Variants in CFAP99 observed in about 807,000 individuals in gnomAD.
The protein encoded by CFAP99 is cilia- and flagella-associated protein 99.
A neutral mutation model predicts 82.7 loss-of-function variants in CFAP99; 84 were observed. That is an observed-to-expected ratio of 1.02 (90% CI 0.85 to 1.22). The LOEUF is 1.22. Among genes scored for constraint, CFAP99 ranks in the 50% most tolerant of loss-of-function variants. CFAP99 has a pLI of 0.00. For missense variants in CFAP99, 1,059 were observed against 983.5 expected (o/e 1.08, Z -1.03); for synonymous variants, 456 against 429.5 (o/e 1.06, Z -0.76).
At chr4:2,457,875 G>A (rs77545410) in intron 11 of CFAP99, among the ~76,000 whole-genome samples, 3,445 of 152,312 alleles carry the variant, frequency 0.023, 103 homozygotes, top group African/African-American at 0.074. Flanking sequence ...GGAGGTGGGC[G>A]TGGCCATCTT....
chr4:2,443,029 G>A (rs1734084087), intron 4 of CFAP99, 101 bp from the exon 5 acceptor site: 1 of 573,934 alleles, frequency 1.7e-6, no homozygotes, highest in Non-Finnish European at 3.1e-6. Context: ...GGGGTGCTGG[G>A]GGCCTTGGGG....
rs1471964098 is a variant in CFAP99 at position 2,462,550 on chromosome 4, G to A, written c.1769G>A (p.Arg590Lys). 4 of 1,465,068 alleles carry A rather than the reference G, an allele frequency of 2.7e-6. No homozygotes were observed. The Admixed American group carries it at 7.4e-5, about 27-fold the overall frequency. The allele number at this position is 1,465,068 out of a possible 1,614,324, so 90.8% of individuals were successfully genotyped here. The change falls in exon 15 of 15, where the codon AGG becomes AAG. Residue 590 changes from arginine to lysine, a missense_variant. Transcript: ENST00000635017. The surrounding 1 kb of genome is among the most constrained non-coding windows in gnomAD (Gnocchi z 4.1). ...TCGGAGAGGGCGGCCGAGCGCAGCAGGCAGGCGGCCTTGCTGCACGTGTCG... is the reference window on the plus strand; with the variant it reads ...TCGGAGAGGGCGGCCGAGCGCAGCAAGCAGGCGGCCTTGCTGCACGTGTCG...
Position 2,462,777 on chromosome 4 carries a change from C to T in CFAP99, c.1996C>T (p.Pro666Ser). 6 of 1,269,604 alleles carry T rather than the reference C, an allele frequency of 4.7e-6. No homozygotes were observed. The highest frequency in any genetic ancestry group is 2.5e-5 in the South Asian group (1 of 39,778). The allele number at this position is 1,269,604 out of a possible 1,614,324, so 78.6% of individuals were successfully genotyped here. Residue 666 changes from proline (P) to serine (S), a missense_variant, in exon 15 of 15, where the codon CCT (proline) becomes TCT (serine). Physicochemically the swap from Pro to Ser is moderately conservative, Grantham distance 74. Transcript: ENST00000635017. This position sits in a 1 kb window ranked among gnomAD's most constrained non-coding sequence, Gnocchi z 4.1. ...GGGCGCGGGAGGCGGTGGGGGCGTC[C>T]CTGCCCGCGCCGACGCGTTCCCCGG...
intron 13 of CFAP99, 32 bp downstream of exon 13, chr4:2,459,290 T>C (rs1734520244): frequency 1.3e-6 from 2 of 1,492,514 alleles, no homozygotes; most frequent in Non-Finnish European, 8.9e-7. Flanking sequence ...GGCCCATGCC[T>C]CAGGGGCCTC....
intron 4 of CFAP99, among the ~76,000 whole-genome samples, chr4:2,438,804 C>A (rs1049586675): frequency 1.8e-4 from 27 of 152,124 alleles, no homozygotes; most frequent in Non-Finnish European, 3.5e-4. Context: ...CAACAAAAAA[C>A]CCAATGCACA....
At chr4:2,421,350 C>CCTT (rs548093654) in intron 1 of CFAP99, among the ~76,000 whole-genome samples, 1 of 96,984 alleles carries the variant, frequency 1.0e-5, no homozygotes, top group African/African-American at 4.0e-5. Flanking sequence ...TCTGCCCACC[C>CCTT]TTTTTTTTTT....
intron 4 of CFAP99, among the ~76,000 whole-genome samples, chr4:2,440,118 A>G (rs1315416001): frequency 6.8e-6 from 1 of 146,730 alleles, no homozygotes; most frequent in Non-Finnish European, 1.5e-5. Context: ...TTGGGATTAC[A>G]GGCGTGAGCC....
At chr4:2,424,139 C>A (rs974028798) in intron 1 of CFAP99, among the ~76,000 whole-genome samples, 4 of 152,250 alleles carry the variant, frequency 2.6e-5, no homozygotes, top group Non-Finnish European at 4.4e-5. Flanking sequence ...AAAAGGACAG[C>A]CTGGCGTGGT....
chr4:2,442,453 AGGGTGGCCACCCT>A (rs747767897), intron 4 of CFAP99, among the ~76,000 whole-genome samples: 2 of 151,868 alleles, frequency 1.3e-5, no homozygotes, highest in Non-Finnish European at 2.9e-5. Flanking sequence ...GCTGCTGGGG[AGGGTGGCCACCCT>A]GGGGAGGCAC....
At chr4:2,426,207 C>A (rs898934994) in intron 1 of CFAP99, among the ~76,000 whole-genome samples, 1 of 152,144 alleles carries the variant, frequency 6.6e-6, no homozygotes, top group Non-Finnish European at 1.5e-5. Flanking sequence ...CCAGGCCAGC[C>A]TGGGCCCCTG....
chr4:2,462,968 A>C, downstream of CFAP99: 3 of 1,106,572 alleles, frequency 2.7e-6, no homozygotes, highest in Non-Finnish European at 3.4e-6. This position sits in a 1 kb window ranked among gnomAD's most constrained non-coding sequence, Gnocchi z 4.1. Flanking sequence ...GCCACCCCCT[A>C]CACCCGCCGC....
At position 2,462,671 on chromosome 4, in the gene CFAP99, G is replaced by A. The variant is rs1386885303; in HGVS notation, c.1890G>A (p.Ala630=). Residue 630 remains alanine (A), a synonymous_variant, in exon 15 of 15, where the codon GCG becomes GCA. Coordinates refer to ENST00000635017, the Ensembl canonical transcript of CFAP99. This position sits in a 1 kb window ranked among gnomAD's most constrained non-coding sequence, Gnocchi z 4.1. ...CCGGGGCCGGGTGGGGATGGCGGGC[G>A]CGGCGCGCAGGGACCGGCGTCCCGG... The A allele has an allele frequency of 7.9e-7, 1 of 1,264,714 alleles. No individual in the cohort carries two copies. Among genetic ancestry groups the A allele is most frequent in the Non-Finnish European group, 9.9e-7 (1 of 1,006,732 alleles). 78.3% of individuals were successfully genotyped at this position (1,264,714 alleles called of 1,614,324 possible).
In CFAP99 at chr4:2,443,262, C is replaced by T; in HGVS notation, c.464+20C>T. The T allele has an allele frequency of 6.8e-7, 1 of 1,473,968 alleles. No individual in the cohort carries two copies. 91.3% of individuals were successfully genotyped at this position (1,473,968 alleles called of 1,614,324 possible). A position where few individuals can be genotyped will look rare whatever the true frequency, so the allele number is the denominator to read the frequency against. Reference sequence around the variant, plus strand: ...GATGAGGTAGGCTGGATGGGGGGCTCTGGGGGCCCTGAATGGCATCTGCAC... The same window carrying T: ...GATGAGGTAGGCTGGATGGGGGGCTTTGGGGGCCCTGAATGGCATCTGCAC... On this transcript the variant is annotated intron_variant, in intron 5 of 14. Coordinates refer to ENST00000635017, the Ensembl canonical transcript of CFAP99.
intron 4 of CFAP99, among the ~76,000 whole-genome samples, chr4:2,438,713 T>C (rs915560306): frequency 6.6e-6 from 1 of 152,088 alleles, no homozygotes; most frequent in Non-Finnish European, 1.5e-5. Context: ...GAGGCTGCAG[T>C]GAGCAGTGAT....
At chr4:2,454,581 C>CTTTTTTTTTTTGTTTTTTTTTTTTTT (rs1734378524) in intron 11 of CFAP99, among the ~76,000 whole-genome samples, 1 of 94,722 alleles carries the variant, frequency 1.1e-5, no homozygotes, top group African/African-American at 4.2e-5. Flanking sequence ...TGTTTTTTTT[C>CTTTTTTTTTTTGTTTTTTTTTTTTTT]TTTTTTTTTT....
intron 10 of CFAP99, 71 bp downstream of exon 10, chr4:2,451,423 G>A: frequency 6.8e-7 from 1 of 1,460,878 alleles, no homozygotes; most frequent in South Asian, 1.2e-5. Flanking sequence ...CAGAGGAGGG[G>A]CCTGGGGGCT....
exon 11 of CFAP99, chr4:2,452,202 G>C: frequency 6.5e-7 from 1 of 1,536,192 alleles, no homozygotes. Context: ...GGCAGAAGAA[G>C]ATGCAGGCGA....
chr4:2,438,066 C>T lies in CFAP99; in HGVS notation c.257-4C>T. On this transcript the variant is annotated splice_region_variant and splice_polypyrimidine_tract_variant and intron_variant, in intron 3 of 14. Coordinates refer to ENST00000635017, the Ensembl canonical transcript of CFAP99. ...TAGCCTCTGACAGACCCCCTGTTTTCTAGTGATCTGCTACCTAGCCACATT... is the reference window on the plus strand; with the variant it reads ...TAGCCTCTGACAGACCCCCTGTTTTTTAGTGATCTGCTACCTAGCCACATT... 1 of 1,526,692 alleles carries T rather than the reference C, an allele frequency of 6.6e-7. No homozygotes were observed. The highest frequency in any genetic ancestry group is 8.8e-7 in the Non-Finnish European group (1 of 1,138,714). 94.6% of individuals were successfully genotyped at this position (1,526,692 alleles called of 1,614,324 possible). A position where few individuals can be genotyped will look rare whatever the true frequency, so the allele number is the denominator to read the frequency against.
chr4:2,429,420 A>AG (rs1162085333), intron 2 of CFAP99, among the ~76,000 whole-genome samples: 3 of 152,228 alleles, frequency 2.0e-5, no homozygotes, highest in Non-Finnish European at 4.4e-5. Flanking sequence ...TGACTATCAC[A>AG]GGTGTGCATT....
Sources: allele counts gnomAD v4.1 joint callset (sites outside exome capture counted in the v4.1 genomes callset), GRCh38; gene constraint gnomAD v4.1.1; non-coding constraint Gnocchi (gnomAD v3.1); transcripts MANE v1.5; gene names NCBI Gene and HGNC (gene_info 2026-07-23, HGNC 2026-07-21).